The following NOVA1 variants were observed in gnomAD, a reference collection of about 807,000 sequenced individuals.
NOVA1 encodes RNA-binding protein Nova-1.
NOVA1 carries 7 observed loss-of-function variants against 38.0 expected under a neutral mutation model. The ratio of observed to expected loss-of-function variants is 0.18; its 90% CI spans 0.10 to 0.35. NOVA1 has a LOEUF of 0.35. Among genes scored for constraint, NOVA1 ranks in the 10% least tolerant of loss-of-function variants. The pLI is 1.00. For missense variants in NOVA1, 460 were observed against 616.0 expected (o/e 0.75, Z 2.68); for synonymous variants, 270 against 232.5 (o/e 1.16, Z -1.47).
rs139918730 is a variant in NOVA1, at chr14:26,529,964, G to A, written c.281-49821C>T. On this transcript the variant is annotated intron_variant, in intron 2 of 4. Coordinates refer to ENST00000539517, the MANE Select transcript of NOVA1 (RefSeq NM_002515.3). ...CATTTTTTTTTCACTCTGTCGCCCA[G>A]GCTGGAGAGCAGTGGCGCGATCTCG... Among the ~76,000 whole-genome samples the A allele has an allele frequency of 4.4e-3, 673 of 152,060 alleles. 6 individuals are homozygous for A. Among genetic ancestry groups the A allele is most frequent in the African/African-American group, 0.015 (641 of 41,478 alleles).
chr14:26,453,221 T>TATTTA (rs1882871889), intron 4 of NOVA1, among the ~76,000 whole-genome samples: 1 of 151,688 alleles, frequency 6.6e-6, no homozygotes, highest in Admixed American at 6.6e-5. Context: ...TTTATTTATT[T>TATTTA]TTAGAGAGGG....
At chr14:26,451,295 C>T (rs1455930421) in intron 4 of NOVA1, among the ~76,000 whole-genome samples, 3 of 152,022 alleles carry the variant, frequency 2.0e-5, no homozygotes, top group African/African-American at 7.2e-5. Flanking sequence ...GAACATTAGC[C>T]TGTCTTTTTT....
chr14:26,496,324 G>A (rs534452688), intron 2 of NOVA1, among the ~76,000 whole-genome samples: 4 of 152,180 alleles, frequency 2.6e-5, no homozygotes, highest in South Asian at 2.1e-4. Flanking sequence ...CATGTCCTTC[G>A]CCCACTTTTT....
intron 3 of NOVA1, among the ~76,000 whole-genome samples, chr14:26,474,478 A>C (rs1275376867): frequency 6.6e-6 from 1 of 152,034 alleles, no homozygotes; most frequent in Non-Finnish European, 1.5e-5. Flanking sequence ...AGATTAATAC[A>C]ATCTGTCGAT....
At chr14:26,577,969 G>A (rs1187478970) in intron 2 of NOVA1, among the ~76,000 whole-genome samples, 7 of 150,822 alleles carry the variant, frequency 4.6e-5, no homozygotes, top group African/African-American at 1.5e-4. Flanking sequence ...GAGTAACCAC[G>A]GACAGAAAAA....
intron 2 of NOVA1, among the ~76,000 whole-genome samples, chr14:26,516,520 A>G (rs1888475923): frequency 6.6e-6 from 1 of 152,166 alleles, no homozygotes; most frequent in Non-Finnish European, 1.5e-5. Flanking sequence ...TCTGCAATCC[A>G]TCTGTGACTG....
At position 26,472,019 on chromosome 14, in the gene NOVA1, G is replaced by A; in HGVS notation, c.519+301C>T. On this transcript the variant is annotated intron_variant, in intron 4 of 4. Transcript: ENST00000539517. ...AATTCTAGGAAGATACAATAAGGGA[G>A]ATTAAAAATACCAATTCAATAAATA... The A allele has an allele frequency of 5.0e-6, 2 of 403,100 alleles. 1 individual carries two copies. The highest frequency in any genetic ancestry group is 8.7e-6 in the Non-Finnish European group (2 of 228,906). 25.0% of individuals were successfully genotyped at this position (403,100 alleles called of 1,614,324 possible).
At chr14:26,537,794 G>A (rs61986520) in intron 2 of NOVA1, among the ~76,000 whole-genome samples, 37,825 of 151,966 alleles carry the variant, frequency 0.25, 5,554 homozygotes, top group African/African-American at 0.4. Context: ...AAGACTATGA[G>A]GAGAGAACAA....
intron 2 of NOVA1, among the ~76,000 whole-genome samples, chr14:26,564,515 G>C (rs970230441): frequency 2.6e-5 from 4 of 152,098 alleles, no homozygotes; most frequent in African/African-American, 7.2e-5. Flanking sequence ...GTGGCAGAAG[G>C]CTCCAGAAAC....
intron 2 of NOVA1, among the ~76,000 whole-genome samples, chr14:26,521,581 C>T (rs953803907): frequency 6.6e-6 from 1 of 151,864 alleles, no homozygotes; most frequent in East Asian, 1.9e-4. Context: ...AATTGATCAT[C>T]GTATAAATAT....
At chr14:26,593,536 T>C (rs1157874475) in intron 2 of NOVA1, 3 of 152,042 alleles carry the variant, frequency 2.0e-5, no homozygotes, top group South Asian at 4.1e-4. Flanking sequence ...AAGTATAGAC[T>C]TCTTTTATCC....
chr14:26,567,254 T>G (rs189993584), intron 2 of NOVA1, among the ~76,000 whole-genome samples: 1 of 151,734 alleles, frequency 6.6e-6, no homozygotes, highest in Non-Finnish European at 1.5e-5. Flanking sequence ...GTTTCTGTTA[T>G]ATGTATTATC....
intron 2 of NOVA1, among the ~76,000 whole-genome samples, chr14:26,509,997 A>G (rs560078771): frequency 6.6e-6 from 1 of 152,300 alleles, no homozygotes; most frequent in African/African-American, 2.4e-5. Flanking sequence ...TCTTTCATTC[A>G]GAGTACACAG....
chr14:26,525,397 A>G (rs890184872), intron 2 of NOVA1, among the ~76,000 whole-genome samples: 3 of 152,124 alleles, frequency 2.0e-5, no homozygotes, highest in South Asian at 2.1e-4. Flanking sequence ...TAAGACACAA[A>G]TGTTCTATTG....
chr14:26,470,472 TC>T, intron 4 of NOVA1: 1 of 1,561,182 alleles, frequency 6.4e-7, no homozygotes, highest in Non-Finnish European at 8.8e-7. Flanking sequence ...CTTCATGATA[TC>T]CAGGAGATAT....
At chr14:26,542,799 A>C (rs2138604958) in intron 2 of NOVA1, among the ~76,000 whole-genome samples, 1 of 151,424 alleles carries the variant, frequency 6.6e-6, no homozygotes, top group Non-Finnish European at 1.5e-5. Context: ...TAAATTAATT[A>C]GTTATTTTTA....
chr14:26,449,198 T>C (rs12882659), intron 4 of NOVA1, among the ~76,000 whole-genome samples: 10,454 of 152,198 alleles, frequency 0.069, 442 homozygotes, highest in South Asian at 0.13. Context: ...ATAAAATTTT[T>C]CCTTGAGTCA....
At chr14:26,491,688 A>T (rs187189844) in intron 2 of NOVA1, among the ~76,000 whole-genome samples, 16 of 152,318 alleles carry the variant, frequency 1.1e-4, no homozygotes, top group Non-Finnish European at 2.1e-4. Context: ...TCCCAACAAC[A>T]CTTGTTGAAG....
intron 2 of NOVA1, among the ~76,000 whole-genome samples, chr14:26,512,064 G>A (rs1888137006): frequency 6.6e-6 from 1 of 152,026 alleles, no homozygotes; most frequent in African/African-American, 2.4e-5. Flanking sequence ...TGATTCCACA[G>A]ACCATATTCT....
Sources: gnomAD v4.1 joint callset for allele counts (sites outside exome capture counted in the v4.1 genomes callset) on GRCh38, gnomAD v4.1.1 for gene constraint, MANE v1.5 for transcripts, NCBI Gene and HGNC (gene_info 2026-07-23, HGNC 2026-07-21) for gene names.